The following CSMD1 variants were observed in gnomAD, a reference collection of about 807,000 sequenced individuals.
CSMD1 encodes CUB and sushi domain-containing protein 1.
In CSMD1, 213 loss-of-function variants were observed where a neutral mutation model predicts 417.5. The observed-to-expected ratio is 0.51, with a 90% CI of 0.46 to 0.57. The LOEUF (loss-of-function observed/expected upper bound fraction) is 0.57. CSMD1 is among the 20% of genes least tolerant of loss of function. The pLI, the probability that CSMD1 is intolerant of heterozygous loss-of-function variation, is 0.00. For synonymous variants in CSMD1, 2,862 were observed against 1,736.8 expected, an observed-to-expected ratio of 1.65 and a Z score of -16.11; for missense variants, 6,923 against 4,529.7, an observed-to-expected ratio of 1.53 and a Z score of -15.17.
intron 31 of CSMD1, among the ~76,000 whole-genome samples, chr8:3,203,772 G>A (rs1371254963): frequency 6.6e-6 from 1 of 152,140 alleles, no homozygotes; most frequent in African/African-American, 2.4e-5. Context: ...AAGAATTCTT[G>A]GCTATGCTTT....
chr8:3,453,734 A>G (rs1585187848), intron 12 of CSMD1, among the ~76,000 whole-genome samples: 1 of 152,246 alleles, frequency 6.6e-6, no homozygotes, highest in African/African-American at 2.4e-5. Flanking sequence ...ACTTACAACT[A>G]TGTGGTCAAT....
chr8:3,328,302 C>T (rs1806667846), intron 23 of CSMD1, among the ~76,000 whole-genome samples: 1 of 152,226 alleles, frequency 6.6e-6, no homozygotes, highest in Non-Finnish European at 1.5e-5. Flanking sequence ...GCGCTTCTCA[C>T]TGGAGCTCTG....
At chr8:4,658,733 G>C (rs144579716) in intron 1 of CSMD1, among the ~76,000 whole-genome samples, 1 of 151,858 alleles carries the variant, frequency 6.6e-6, no homozygotes, top group Non-Finnish European at 1.5e-5. Context: ...TTATACTTTC[G>C]GTTTCTAACT....
intron 3 of CSMD1, among the ~76,000 whole-genome samples, chr8:4,059,439 A>C (rs1377720511): frequency 6.6e-6 from 1 of 152,190 alleles, no homozygotes; most frequent in Non-Finnish European, 1.5e-5. Flanking sequence ...AAATAACTAA[A>C]ATCAGAGCAG....
chr8:4,934,781 A>G (rs1461869864), intron 1 of CSMD1, among the ~76,000 whole-genome samples: 1 of 152,032 alleles, frequency 6.6e-6, no homozygotes, highest in African/African-American at 2.4e-5. Context: ...GGTATCATCT[A>G]TCAATCATCT....
chr8:2,942,551 C>G lies in CSMD1; in HGVS notation c.10456G>C (p.Gly3486Arg). ...ACCAGAATGGCAGCCGCCACAGAGC[C>G]ACTGCTGGTGCCGTGGTAATGACTG... is the stretch of plus-strand genomic sequence containing the variant. The part of the protein sequence containing the change: ...SSSHYHGTSS[G>R]SVAAAILVPF... Residue 3486 changes from glycine to arginine, a missense_variant, in exon 69 of 70, where the codon GGC (glycine) becomes CGC (arginine). Gly to Arg is a moderately radical substitution (Grantham distance 125). Transcript: ENST00000635120. 1 of 1,609,280 alleles carries G rather than the reference C, an allele frequency of 6.2e-7. No homozygotes were observed. Among genetic ancestry groups the G allele is most frequent in the Non-Finnish European group, 8.5e-7 (1 of 1,177,388 alleles).
At chr8:4,578,755 A>G (rs1225560811) in intron 2 of CSMD1, among the ~76,000 whole-genome samples, 1 of 146,284 alleles carries the variant, frequency 6.8e-6, no homozygotes, top group Non-Finnish European at 1.5e-5. Flanking sequence ...GGGAGGTTGC[A>G]GTGAGCTGAA....
chr8:3,517,037 G>C (rs556166190), intron 10 of CSMD1, among the ~76,000 whole-genome samples: 2 of 152,284 alleles, frequency 1.3e-5, no homozygotes, highest in South Asian at 2.1e-4. Context: ...AGCTGGTGTG[G>C]TGTCAGATCA....
intron 10 of CSMD1, among the ~76,000 whole-genome samples, chr8:3,528,410 G>A (rs138537343): frequency 2.6e-5 from 4 of 152,302 alleles, no homozygotes; most frequent in Admixed American, 6.5e-5. Context: ...CGTGGGGGAA[G>A]GAGGATGGCT....
chr8:4,064,076 C>A (rs964927137), intron 3 of CSMD1, among the ~76,000 whole-genome samples: 2 of 152,118 alleles, frequency 1.3e-5, no homozygotes, highest in African/African-American at 4.8e-5. Context: ...CAGTGTGAAG[C>A]CCATGTGAAA....
At chr8:3,541,476 A>T (rs1183610301) in intron 10 of CSMD1, among the ~76,000 whole-genome samples, 3 of 152,030 alleles carry the variant, frequency 2.0e-5, no homozygotes, top group African/African-American at 7.2e-5. Flanking sequence ...ACCATGGTTC[A>T]TGTTTACCGA....
intron 2 of CSMD1, among the ~76,000 whole-genome samples, chr8:4,594,576 AG>A (rs750488195): frequency 3.3e-5 from 5 of 152,002 alleles, no homozygotes; most frequent in Non-Finnish European, 7.4e-5. Flanking sequence ...GTTTTTTTGG[AG>A]GGGGGCACAA....
chr8:4,617,646 T>C (rs989150150), intron 2 of CSMD1, among the ~76,000 whole-genome samples: 8 of 152,198 alleles, frequency 5.3e-5, no homozygotes, highest in African/African-American at 1.7e-4. Flanking sequence ...CAGATCTCCA[T>C]GTGGCTGAAG....
In CSMD1 at chr8:4,723,281, T is replaced by A. The variant is rs114764101; in HGVS notation, c.86-85723A>T. Among the ~76,000 whole-genome samples the A allele has an allele frequency of 8.9e-3, 1,360 of 152,290 alleles. 13 individuals are homozygous for A. The highest frequency in any genetic ancestry group is 0.029 in the African/African-American group (1,216 of 41,564). On this transcript the variant is annotated intron_variant, in intron 1 of 69. Transcript: ENST00000635120. The stretch of plus-strand genomic sequence containing the variant: ...ATCCCTTCACTTCATTCCCACTGGC[T>A]AACTGGGAATCATCCAATTACTACA...
intron 1 of CSMD1, among the ~76,000 whole-genome samples, chr8:4,760,468 A>C (rs1811967065): frequency 6.6e-6 from 1 of 152,174 alleles, no homozygotes. Context: ...TATGCTACTG[A>C]CTAATCCTGT....
chr8:4,365,605 G>T (rs908656332), intron 3 of CSMD1, among the ~76,000 whole-genome samples: 10 of 152,162 alleles, frequency 6.6e-5, no homozygotes, highest in African/African-American at 2.4e-4. Context: ...TTCTGTCTTT[G>T]TACTTGATTT....
chr8:3,388,689 A>G (rs954612156), intron 17 of CSMD1, among the ~76,000 whole-genome samples: 2 of 152,186 alleles, frequency 1.3e-5, no homozygotes, highest in African/African-American at 4.8e-5. Context: ...TTTCTAACAA[A>G]TTTTCTAAAC....
Position 3,190,132 on chromosome 8 carries a change from G to A in CSMD1, c.5195-17C>T. The A allele has an allele frequency of 5.1e-6, 8 of 1,561,348 alleles. No homozygotes were observed. The highest frequency in any genetic ancestry group is 1.9e-5 in the Admixed American group (1 of 52,588). On this transcript the variant is annotated splice_polypyrimidine_tract_variant and intron_variant, in intron 33 of 69. Coordinates refer to ENST00000635120, the MANE Select transcript of CSMD1 (RefSeq NM_033225.6). Reference sequence around the variant, plus strand: ...GAGGAACAGCTAGAAGCAAAGTACAGAACACAGCCGTCTGTATCTCCATCA... The same window carrying A: ...GAGGAACAGCTAGAAGCAAAGTACAAAACACAGCCGTCTGTATCTCCATCA...
At chr8:4,178,085 C>T (rs1031628749) in intron 3 of CSMD1, among the ~76,000 whole-genome samples, 6 of 152,154 alleles carry the variant, frequency 3.9e-5, no homozygotes, top group African/African-American at 9.7e-5. Context: ...TTTTATGAGG[C>T]CAGCATCATC....
Sources: allele counts gnomAD v4.1 joint callset (sites outside exome capture counted in the v4.1 genomes callset), GRCh38; gene constraint gnomAD v4.1.1; transcripts MANE v1.5; gene names NCBI Gene and HGNC (gene_info 2026-07-23, HGNC 2026-07-21).